Variants in CSMD1 observed in about 807,000 individuals in gnomAD.
The protein encoded by CSMD1 is CUB and sushi domain-containing protein 1.
In CSMD1, 213 loss-of-function variants were observed where a neutral mutation model predicts 417.5. That is an observed-to-expected ratio of 0.51 (90% confidence interval 0.46 to 0.57). The LOEUF is 0.57. Among genes scored for constraint, CSMD1 ranks in the 20% least tolerant of loss-of-function variants. The probability of loss-of-function intolerance (pLI) is 0.00; values close to 1 mark genes in which losing one functional copy is unlikely to be tolerated. For synonymous variants in CSMD1, 2,862 were observed against 1,736.8 expected (o/e 1.65, Z -16.11); for missense variants, 6,923 against 4,529.7 (o/e 1.53, Z -15.17).
chr8:4,347,330 T>A (rs760469825), intron 3 of CSMD1, among the ~76,000 whole-genome samples: 1 of 152,176 alleles, frequency 6.6e-6, no homozygotes, highest in Non-Finnish European at 1.5e-5. Context: ...GTCTATAGCA[T>A]AGGACAAAAC....
intron 3 of CSMD1, among the ~76,000 whole-genome samples, chr8:4,151,892 G>T (rs1038551161): frequency 1.3e-5 from 2 of 152,070 alleles, no homozygotes; most frequent in Admixed American, 6.6e-5. Flanking sequence ...AAATATTAGA[G>T]GGCAGAGAAG....
intron 2 of CSMD1, among the ~76,000 whole-genome samples, chr8:4,565,113 C>G (rs369065081): frequency 1.3e-5 from 2 of 152,196 alleles, no homozygotes; most frequent in Admixed American, 1.3e-4. Context: ...AATCTTCTCA[C>G]TTTTATTAGA....
Position 3,406,008 on chromosome 8 carries a change from G to C in CSMD1, c.2266+19C>G. The C allele has an allele frequency of 1.2e-6, 2 of 1,609,140 alleles. No individual in the cohort carries two copies. Among genetic ancestry groups the C allele is most frequent in the African/African-American group, 1.3e-5 (1 of 74,874 alleles). ...GTGTGATTTCAAAGGAGAAGAGCGGGGGGTGGCAGGGACTGCACCTTCACA... is the reference window on the plus strand; with the variant it reads ...GTGTGATTTCAAAGGAGAAGAGCGGCGGGTGGCAGGGACTGCACCTTCACA... On this transcript the variant is annotated intron_variant, in intron 15 of 69. Transcript: ENST00000635120.
At chr8:4,497,169 A>C (rs1168939572) in intron 2 of CSMD1, among the ~76,000 whole-genome samples, 2 of 152,122 alleles carry the variant, frequency 1.3e-5, no homozygotes, top group Non-Finnish European at 1.5e-5. Context: ...TTAGTAGAAT[A>C]TTCCAGAGCA....
At chr8:3,659,994 G>A (rs900225) in intron 7 of CSMD1, among the ~76,000 whole-genome samples, 139,216 of 152,324 alleles carry the variant, frequency 0.91, 63,724 homozygotes, top group Middle Eastern at 0.96. Flanking sequence ...CACACTGCTC[G>A]TTCTGAACAA....
intron 1 of CSMD1, among the ~76,000 whole-genome samples, chr8:4,663,683 G>T (rs751381556): frequency 2.0e-5 from 3 of 152,104 alleles, no homozygotes; most frequent in Non-Finnish European, 4.4e-5. Flanking sequence ...CCATGCTTCC[G>T]GTCCAGCCTA....
At chr8:4,262,891 C>T (rs1339570102) in intron 3 of CSMD1, among the ~76,000 whole-genome samples, 2 of 152,154 alleles carry the variant, frequency 1.3e-5, no homozygotes, top group African/African-American at 4.8e-5. Flanking sequence ...CTCAAAACTG[C>T]CATCACAGAA....
At chr8:3,258,216 A>C (rs958920183) in intron 26 of CSMD1, among the ~76,000 whole-genome samples, 1 of 152,356 alleles carries the variant, frequency 6.6e-6, no homozygotes, top group East Asian at 1.9e-4. Context: ...AATGTCTAAT[A>C]TCCAGCATCT....
At chr8:3,928,554 T>G (rs1809913430) in intron 5 of CSMD1, among the ~76,000 whole-genome samples, 1 of 135,908 alleles carries the variant, frequency 7.4e-6, no homozygotes, top group South Asian at 2.4e-4. Context: ...GCTTCGGTAC[T>G]GTACTAAGTT....
chr8:4,795,484 A>G (rs931215982), intron 1 of CSMD1, among the ~76,000 whole-genome samples: 1 of 151,346 alleles, frequency 6.6e-6, no homozygotes, highest in African/African-American at 2.4e-5. Flanking sequence ...GTTAGCCAGG[A>G]TGGTCTCGAT....
chr8:4,808,826 C>G (rs1287452661), intron 1 of CSMD1, among the ~76,000 whole-genome samples: 4 of 152,196 alleles, frequency 2.6e-5, no homozygotes, highest in African/African-American at 9.7e-5. Flanking sequence ...AGTGATAGTG[C>G]TTTCATGATT....
intron 23 of CSMD1, among the ~76,000 whole-genome samples, chr8:3,322,692 C>T (rs1367467156): frequency 6.6e-6 from 1 of 152,198 alleles, no homozygotes; most frequent in Admixed American, 6.5e-5. Context: ...TGTCAGACTT[C>T]ATGGCAGTGG....
intron 1 of CSMD1, among the ~76,000 whole-genome samples, chr8:4,810,417 C>G (rs1393545055): frequency 6.6e-6 from 1 of 152,172 alleles, no homozygotes; most frequent in Non-Finnish European, 1.5e-5. Context: ...TTCAAACTCA[C>G]TATGCAGGGA....
chr8:3,979,742 A>G (rs2130167642), intron 5 of CSMD1, among the ~76,000 whole-genome samples: 1 of 152,350 alleles, frequency 6.6e-6, no homozygotes, highest in South Asian at 2.1e-4. Context: ...CTAAACTTCT[A>G]GCCTCAGAAC....
chr8:3,416,856 C>A (rs1813186384), intron 12 of CSMD1, among the ~76,000 whole-genome samples: 1 of 152,230 alleles, frequency 6.6e-6, no homozygotes. Context: ...CAGGTTCTTT[C>A]TCTTCCCTTC....
chr8:4,713,846 T>C (rs1478434273), intron 1 of CSMD1, among the ~76,000 whole-genome samples: 1 of 152,096 alleles, frequency 6.6e-6, no homozygotes, highest in African/African-American at 2.4e-5. Context: ...AATTTTCCTA[T>C]CTTTTGAAGA....
At chr8:4,377,564 G>A (rs1439639406) in intron 3 of CSMD1, among the ~76,000 whole-genome samples, 1 of 152,108 alleles carries the variant, frequency 6.6e-6, no homozygotes, top group Non-Finnish European at 1.5e-5. Flanking sequence ...TAAAGGTGCT[G>A]GACTTTGCGA....
At chr8:3,849,531 C>T (rs1186387714) in intron 5 of CSMD1, among the ~76,000 whole-genome samples, 5 of 152,122 alleles carry the variant, frequency 3.3e-5, no homozygotes, top group African/African-American at 4.8e-5. Context: ...GTTAGAATGA[C>T]GACTTCAGCA....
At chr8:4,350,004 C>A (rs887325811) in intron 3 of CSMD1, among the ~76,000 whole-genome samples, 1 of 152,008 alleles carries the variant, frequency 6.6e-6, no homozygotes, top group Non-Finnish European at 1.5e-5. Flanking sequence ...GGTCCCTGAG[C>A]CCTGGAATCT....
Sources: gnomAD v4.1 joint callset for allele counts (sites outside exome capture counted in the v4.1 genomes callset) on GRCh38, gnomAD v4.1.1 for gene constraint, MANE v1.5 for transcripts, NCBI Gene and HGNC (gene_info 2026-07-23, HGNC 2026-07-21) for gene names.